FRAS1: variants seen among roughly 807,000 people sequenced by gnomAD.
The protein encoded by FRAS1 is extracellular matrix organizing protein FRAS1.
In FRAS1, 290 loss-of-function variants were observed where a neutral mutation model predicts 435.2. That is an observed-to-expected ratio of 0.67 (90% CI 0.61 to 0.73). The LOEUF (loss-of-function observed/expected upper bound fraction) is 0.73, where lower values mean the gene tolerates loss of function less well. Ranked by LOEUF, FRAS1 falls within the 30% of genes least tolerant of loss-of-function variation. The pLI, the probability that FRAS1 is intolerant of heterozygous loss-of-function variation, is 0.00. For missense variants in FRAS1, 4,860 were observed against 5,001.5 expected (o/e 0.97, Z 0.85); for synonymous variants, 1,800 against 1,851.0 (o/e 0.97, Z 0.71).
chr4:78,497,084 A>C (rs1720529265), intron 60 of FRAS1, 123 bp downstream of exon 60: 1 of 755,214 alleles, frequency 1.3e-6, no homozygotes, highest in African/African-American at 1.8e-5. Context: ...ACATTCTCTG[A>C]ATATTTATAT....
intron 66 of FRAS1, 129 bp downstream of exon 66, chr4:78,516,142 A>G (rs1721212166): frequency 3.0e-6 from 2 of 668,480 alleles, no homozygotes; most frequent in Admixed American, 3.2e-5. Context: ...AGTCTTCTTT[A>G]TAAGTCCCTC....
intron 34 of FRAS1, among the ~76,000 whole-genome samples, chr4:78,423,035 G>T (rs1055365404): frequency 1.3e-5 from 2 of 152,146 alleles, no homozygotes; most frequent in African/African-American, 4.8e-5. Flanking sequence ...CTTAATCCCT[G>T]CCACCTTATC....
At chr4:78,274,101 T>C (rs1228397206) in intron 9 of FRAS1, among the ~76,000 whole-genome samples, 1 of 152,240 alleles carries the variant, frequency 6.6e-6, no homozygotes, top group Non-Finnish European at 1.5e-5. Context: ...TTTATTTGCA[T>C]AGAGGTGTTT....
intron 2 of FRAS1, among the ~76,000 whole-genome samples, chr4:78,185,384 T>C (rs1722227538): frequency 6.6e-6 from 1 of 152,222 alleles, no homozygotes; most frequent in South Asian, 2.1e-4. Context: ...GGAATGTATT[T>C]GTGCCAGAGT....
chr4:78,522,549 A>G lies in FRAS1; in HGVS notation c.10649-100A>G, dbSNP rs559684720. 1.0e-3 allele frequency: 1,070 copies of G among 1,026,616 alleles called. 3 individuals are homozygous for G. Among genetic ancestry groups the G allele is most frequent in the Non-Finnish European group, 1.5e-3 (1,030 of 705,416 alleles). 63.6% of individuals were successfully genotyped at this position (1,026,616 alleles called of 1,614,324 possible). On this transcript the variant is annotated intron_variant, in intron 68 of 73. Coordinates refer to ENST00000512123, the MANE Select transcript of FRAS1 (RefSeq NM_025074.7). ...AAGCTTAGTTGTTTGAGAGAAGAACATTAATTCAGTTCTCAGGCTTTTGTG... is the reference window on the plus strand; with the variant it reads ...AAGCTTAGTTGTTTGAGAGAAGAACGTTAATTCAGTTCTCAGGCTTTTGTG...
intron 38 of FRAS1, 87 bp from the exon 39 acceptor site, chr4:78,438,483 A>G: frequency 7.8e-7 from 1 of 1,290,240 alleles, no homozygotes; most frequent in Non-Finnish European, 1.1e-6. Flanking sequence ...ATTAGCAGAG[A>G]GAGAAGCACC....
intron 15 of FRAS1, among the ~76,000 whole-genome samples, chr4:78,314,796 C>G (rs1402622165): frequency 6.6e-6 from 1 of 152,152 alleles, no homozygotes. Flanking sequence ...CTACTGCTTC[C>G]TAAGACAATG....
intron 6 of FRAS1, among the ~76,000 whole-genome samples, chr4:78,261,399 G>T (rs1726093576): frequency 6.6e-6 from 1 of 152,012 alleles, no homozygotes; most frequent in Non-Finnish European, 1.5e-5. Flanking sequence ...CTTTGTCTTT[G>T]ATGGGATTCT....
intron 34 of FRAS1, among the ~76,000 whole-genome samples, chr4:78,422,569 C>T (rs922846755): frequency 4.9e-5 from 6 of 121,384 alleles, no homozygotes; most frequent in African/African-American, 6.1e-5. Context: ...GGTACAGAGG[C>T]CTGGGGAAGG....
chr4:78,511,601 G>A, intron 64 of FRAS1, 95 bp downstream of exon 64: 1 of 963,744 alleles, frequency 1.0e-6, no homozygotes. Context: ...GGATGCTTCT[G>A]CATGATAAAA....
chr4:78,066,283 C>A (rs1324941906), intron 2 of FRAS1, among the ~76,000 whole-genome samples: 8 of 152,096 alleles, frequency 5.3e-5, no homozygotes, highest in Admixed American at 5.2e-4. Context: ...TCTTTGTGTT[C>A]TTTTAATCAG....
At chr4:78,267,530 A>G (rs1299344863) in intron 9 of FRAS1, 98 bp downstream of exon 9, 1 of 1,122,724 alleles carries the variant, frequency 8.9e-7, no homozygotes, top group East Asian at 2.6e-5. Context: ...AGCAGCAGGG[A>G]TGTCCACATT....
At chr4:78,439,108 C>G in intron 40 of FRAS1, 44 bp downstream of exon 40, 1 of 1,502,446 alleles carries the variant, frequency 6.7e-7, no homozygotes, top group South Asian at 1.2e-5. Flanking sequence ...CTATAGAGAG[C>G]TGGAATCCGT....
intron 46 of FRAS1, 133 bp downstream of exon 46, chr4:78,452,024 C>G: frequency 8.1e-7 from 1 of 1,234,774 alleles, no homozygotes; most frequent in South Asian, 1.5e-5. Context: ...AATCATACCC[C>G]CTTTATTGCA....
intron 2 of FRAS1, among the ~76,000 whole-genome samples, chr4:78,227,697 G>A (rs1724333728): frequency 6.6e-6 from 1 of 152,214 alleles, no homozygotes; most frequent in African/African-American, 2.4e-5. Context: ...GAATTGGCCT[G>A]GCATTCAGTC....
At chr4:78,373,704 G>A (rs938467310) in intron 24 of FRAS1, among the ~76,000 whole-genome samples, 2 of 151,954 alleles carry the variant, frequency 1.3e-5, no homozygotes, top group African/African-American at 4.8e-5. Flanking sequence ...GAACCCGGGA[G>A]GCAGAGGTTG....
intron 57 of FRAS1, 44 bp from the exon 58 acceptor site, chr4:78,482,344 A>G: frequency 5.6e-6 from 9 of 1,612,234 alleles, no homozygotes; most frequent in Non-Finnish European, 7.6e-6. Flanking sequence ...AATGGGTGTT[A>G]GATGGTGGGT....
At chr4:78,283,962 A>C (rs549792340) in intron 12 of FRAS1, among the ~76,000 whole-genome samples, 1 of 152,280 alleles carries the variant, frequency 6.6e-6, no homozygotes, top group South Asian at 2.1e-4. Flanking sequence ...AATGGGGTGC[A>C]TTTTTCTTAG....
chr4:78,507,466 A>G lies in FRAS1; in HGVS notation c.9362A>G (p.Asp3121Gly). The G allele has an allele frequency of 6.2e-7, 1 of 1,612,684 alleles. No individual in the cohort carries two copies. The highest frequency in any genetic ancestry group is 8.5e-7 in the Non-Finnish European group (1 of 1,179,394). The change falls in exon 62 of 74, where the codon GAC (aspartate) becomes GGC (glycine). Residue 3121 changes from aspartate to glycine, a missense_variant. Physicochemically the swap from Asp to Gly is moderately conservative, Grantham distance 94. Transcript: ENST00000512123. The part of the protein sequence containing the change: ...FFKVEILSNE[D>G]REWHESFSLV... ...AAAGTTGAGATCCTGTCCAATGAAG[A>G]CCGGGAATGGCATGAATCTTTCTCA...
Sources: allele counts gnomAD v4.1 joint callset (sites outside exome capture counted in the v4.1 genomes callset), GRCh38; gene constraint gnomAD v4.1.1; transcripts MANE v1.5; gene names NCBI Gene and HGNC (gene_info 2026-07-23, HGNC 2026-07-21).